Variants in SHE observed in about 807,000 individuals in gnomAD.
The protein encoded by SHE is Src homology 2 domain containing E.
In SHE, 11 loss-of-function variants were observed where a neutral mutation model predicts 49.8. The observed-to-expected ratio is 0.22, with a 90% CI of 0.14 to 0.37. SHE has a LOEUF of 0.37. Ranked by LOEUF, SHE falls within the 10% of genes least tolerant of loss-of-function variation. The pLI is 1.00. For synonymous variants in SHE, 310 were observed against 278.1 expected (o/e 1.11, Z -1.14); for missense variants, 624 against 655.5 (o/e 0.95, Z 0.52).
At chr1:154,476,202 C>T (rs1691871614), downstream of SHE, among the ~76,000 whole-genome samples, 1 of 152,016 alleles carries the variant, frequency 6.6e-6, no homozygotes, top group Non-Finnish European at 1.5e-5. Flanking sequence ...AAACATTAGC[C>T]AGGTATGGTG....
At position 154,486,668 on chromosome 1, in the gene SHE, G is replaced by C; in HGVS notation, c.1040C>G (p.Ala347Gly). 2 of 1,614,092 alleles carry C rather than the reference G, an allele frequency of 1.2e-6. No individual in the cohort carries two copies. Among genetic ancestry groups the C allele is most frequent in the Non-Finnish European group, 1.7e-6 (2 of 1,180,036 alleles). The change falls in exon 4 of 6, where the codon GCT becomes GGT. Residue 347 changes from alanine to glycine, a missense_variant. Ala to Gly is a moderately conservative substitution (Grantham distance 60, BLOSUM62 0). Coordinates refer to ENST00000304760, the MANE Select transcript of SHE (RefSeq NM_001010846.3). ...CTCCTCCCTGAAGGAAGGTCGCTCA[G>C]CTCCTTCAAACTGGACTGGAAGGAA... is the stretch of plus-strand genomic sequence containing the variant. Reference protein sequence around the residue: ...VRALSVQFEGAERPSFREETV... With the variant: ...VRALSVQFEGGERPSFREETV...
Position 154,482,206 on chromosome 1 carries a change from G to T in SHE, c.*1943C>A. 2.1e-6 allele frequency: 1 copy of T among 473,226 alleles called. No homozygotes were observed. The highest frequency in any genetic ancestry group is 2.8e-6 in the Non-Finnish European group (1 of 362,160). The allele number at this position is 473,226 out of a possible 1,614,324, so 29.3% of individuals were successfully genotyped here. A position where few individuals can be genotyped will look rare whatever the true frequency, so the allele number is the denominator to read the frequency against. ...TTTTTGTATTTTTACTACAGACAGG[G>T]TTTCACCATGTTGGCCAGGCTGGTC... On this transcript the variant is annotated 3_prime_UTR_variant, in exon 6 of 6. Coordinates refer to ENST00000304760, the MANE Select transcript of SHE (RefSeq NM_001010846.3).
chr1:154,474,295 G>A (rs1013854024), intron 1 of SHE, among the ~76,000 whole-genome samples: 2 of 152,194 alleles, frequency 1.3e-5, no homozygotes, highest in Non-Finnish European at 2.9e-5. Context: ...TGATCCTAAG[G>A]CAGTGGCAGC....
chr1:154,501,344 C>A, intron 1 of SHE, 92 bp downstream of exon 1: 1 of 1,200,316 alleles, frequency 8.3e-7, no homozygotes, highest in South Asian at 1.4e-5. Context: ...CCTATCCTCA[C>A]TGCCTCTTAG....
intron 2 of SHE, among the ~76,000 whole-genome samples, chr1:154,498,231 T>C (rs1204262348): frequency 1.3e-5 from 2 of 151,620 alleles, no homozygotes; most frequent in South Asian, 2.1e-4. Flanking sequence ...TAGCTGGGAT[T>C]ACAGGCATGC....
Position 154,484,043 on chromosome 1 carries a change from C to T in SHE, c.*106G>A. On this transcript the variant is annotated 3_prime_UTR_variant, in exon 6 of 6. Coordinates refer to ENST00000304760, the MANE Select transcript of SHE (RefSeq NM_001010846.3). ...CTCTCTGACTTTTCAAGGAAGACTC[C>T]CATTTTCTAGCAGTTGCTAGTCCAG... 1 of 1,469,166 alleles carries T rather than the reference C, an allele frequency of 6.8e-7. No individual in the cohort carries two copies. The allele number at this position is 1,469,166 out of a possible 1,614,324, so 91.0% of individuals were successfully genotyped here. A position where few individuals can be genotyped will look rare whatever the true frequency, so the allele number is the denominator to read the frequency against.
rs1336622466 is a variant in SHE, at chr1:154,494,500, C to T, written c.718+4612G>A. On this transcript the variant is annotated intron_variant, in intron 2 of 5. Transcript: ENST00000304760. The stretch of plus-strand genomic sequence containing the variant: ...GAGTGCTAGGATTATAGGCATGAGC[C>T]ACCGGGCCCGGCAGATGGAGTTTAT... Among the ~76,000 whole-genome samples, 6 of 149,286 alleles carry T rather than the reference C, an allele frequency of 4.0e-5. No homozygotes were observed. The East Asian group carries it at 1.2e-3, about 29-fold the overall frequency.
rs1018986511 is a variant in SHE, at chr1:154,484,964, C to CA, written c.1302-630dup. ...TAGGCAACAGAGTGAGACTCCATCT[C>CA]AAAAAAAAAAAAAAAGAAAAAGAAA... On this transcript the variant is annotated intron_variant, in intron 5 of 5. Transcript: ENST00000304760. 742 of 86,714 alleles carry CA rather than the reference C, an allele frequency of 8.6e-3. 7 individuals are homozygous for CA. The highest frequency in any genetic ancestry group is 0.017 in the African/African-American group (392 of 23,520). 5.4% of individuals were successfully genotyped at this position (86,714 alleles called of 1,614,324 possible). A position where few individuals can be genotyped will look rare whatever the true frequency, so the allele number is the denominator to read the frequency against.
At chr1:154,485,774 T>C (rs1429698431) in intron 5 of SHE, 169 bp downstream of exon 5, 2 of 656,140 alleles carry the variant, frequency 3.0e-6, no homozygotes, top group Non-Finnish European at 5.0e-6. Context: ...AATACCAATT[T>C]TGCATTCTCA....
chr1:154,491,149 C>T (rs943477272), intron 2 of SHE, among the ~76,000 whole-genome samples: 1 of 152,184 alleles, frequency 6.6e-6, no homozygotes, highest in African/African-American at 2.4e-5. Flanking sequence ...AGGAAGCCTT[C>T]AAACCATCCT....
At chr1:154,473,686 C>T (rs1396493192) in intron 1 of SHE, among the ~76,000 whole-genome samples, 1 of 151,940 alleles carries the variant, frequency 6.6e-6, no homozygotes, top group Admixed American at 6.6e-5. Context: ...TGCCTGTAGT[C>T]GTAGCTCCTC....
chr1:154,470,083 G>T, exon 2 of SHE: 1 of 338,388 alleles, frequency 3.0e-6, no homozygotes, highest in South Asian at 2.2e-5. Context: ...CCCCCACCTG[G>T]GCAGTCAGAG....
chr1:154,478,174 G>A (rs957411266), downstream of SHE, among the ~76,000 whole-genome samples: 9 of 152,126 alleles, frequency 5.9e-5, no homozygotes, highest in Non-Finnish European at 1.3e-4. Flanking sequence ...AGATAATGAA[G>A]CACACCCTGC....
At chr1:154,496,510 G>A (rs1030754907) in intron 2 of SHE, among the ~76,000 whole-genome samples, 3 of 152,166 alleles carry the variant, frequency 2.0e-5, no homozygotes, top group African/African-American at 2.4e-5. Flanking sequence ...CCTCACTTAC[G>A]GGTGAAGTTT....
chr1:154,499,009 T>A, intron 2 of SHE, 103 bp downstream of exon 2: 2 of 1,411,134 alleles, frequency 1.4e-6, no homozygotes, highest in Non-Finnish European at 1.9e-6. Flanking sequence ...AGGATCTGGG[T>A]AAATTGCTTT....
At position 154,481,827 on chromosome 1, in the gene SHE, G is replaced by GA; in HGVS notation, c.*2321dup. On this transcript the variant is annotated 3_prime_UTR_variant, in exon 6 of 6. Coordinates refer to ENST00000304760, the MANE Select transcript of SHE (RefSeq NM_001010846.3). The stretch of plus-strand genomic sequence containing the variant: ...CACTGAAAACATTCTATCAGTATCT[G>GA]AAAAAAACATTCCTTTTGGTTTTTT... 3 of 972,928 alleles carry GA rather than the reference G, an allele frequency of 3.1e-6. No homozygotes were observed. Among genetic ancestry groups the GA allele is most frequent in the Non-Finnish European group, 3.7e-6 (3 of 818,638 alleles). The allele number at this position is 972,928 out of a possible 1,614,324, so 60.3% of individuals were successfully genotyped here.
Position 154,491,692 on chromosome 1 carries a change from G to T in SHE, c.719-2336C>A, listed in dbSNP as rs559056347. 1.6e-3 allele frequency among the ~76,000 whole-genome samples: 237 copies of T among 152,320 alleles called. 1 individual carries two copies. The highest frequency in any genetic ancestry group is 5.0e-3 in the African/African-American group (206 of 41,562). Reference sequence around the variant, plus strand: ...TGTGCTAAATAATGACTGGATGGATGGATGGGAGGAGAGAGGGAGGGGAGG... The same window carrying T: ...TGTGCTAAATAATGACTGGATGGATTGATGGGAGGAGAGAGGGAGGGGAGG... On this transcript the variant is annotated intron_variant, in intron 2 of 5. Transcript: ENST00000304760.
downstream of SHE, among the ~76,000 whole-genome samples, chr1:154,475,495 G>A (rs1691859962): frequency 6.6e-6 from 1 of 151,946 alleles, no homozygotes; most frequent in East Asian, 2.0e-4. Flanking sequence ...CCAAACCTCT[G>A]CAATGTTCTA....
Position 154,482,455 on chromosome 1 carries a change from G to A in SHE, c.*1694C>T, listed in dbSNP as rs1692046317. The A allele has an allele frequency of 6.1e-6, 6 of 985,166 alleles. No individual in the cohort carries two copies. Among genetic ancestry groups the A allele is most frequent in the African/African-American group, 1.7e-5 (1 of 57,318 alleles). The allele number at this position is 985,166 out of a possible 1,614,324, so 61.0% of individuals were successfully genotyped here. ...AATTTACTAACCTCTAAATCTTACA[G>A]TCAAATGTAACTAGTAACTACAAAG... On this transcript the variant is annotated 3_prime_UTR_variant, in exon 6 of 6. Transcript: ENST00000304760.
Sources: allele counts gnomAD v4.1 joint callset (sites outside exome capture counted in the v4.1 genomes callset), GRCh38; gene constraint gnomAD v4.1.1; transcripts MANE v1.5; gene names NCBI Gene and HGNC (gene_info 2026-07-23, HGNC 2026-07-21).